Variants in CNIH3 observed in about 807,000 individuals in gnomAD.
The protein encoded by CNIH3 is protein cornichon homolog 3.
In CNIH3, 14 loss-of-function variants were observed where a neutral mutation model predicts 24.1. That is an observed-to-expected ratio of 0.58 (90% CI 0.38 to 0.91). The LOEUF (loss-of-function observed/expected upper bound fraction) is 0.91, where lower values mean the gene tolerates loss of function less well. CNIH3 is among the 40% of genes least tolerant of loss of function. The pLI is 0.00. For synonymous variants in CNIH3, 68 were observed against 73.8 expected (o/e 0.92, Z 0.40); for missense variants, 178 against 196.8 (o/e 0.90, Z 0.57).
At chr1:224,581,926 C>T (rs1681290589) in intron 4 of CNIH3, among the ~76,000 whole-genome samples, 1 of 152,134 alleles carries the variant, frequency 6.6e-6, no homozygotes, top group African/African-American at 2.4e-5. Flanking sequence ...AGCTGCACAT[C>T]CTGGATGCCT....
At chr1:224,499,884 C>T (rs1289896300) in intron 1 of CNIH3, among the ~76,000 whole-genome samples, 9 of 144,740 alleles carry the variant, frequency 6.2e-5, no homozygotes, top group African/African-American at 1.9e-4. Flanking sequence ...GGCAACATAG[C>T]GACATCCTAT....
chr1:224,519,692 C>T (rs1277219263), intron 1 of CNIH3, among the ~76,000 whole-genome samples: 1 of 149,752 alleles, frequency 6.7e-6, no homozygotes, highest in African/African-American at 2.4e-5. Context: ...TATATGTATA[C>T]TATATATGTA....
chr1:224,501,281 T>C (rs1031185833), intron 1 of CNIH3, among the ~76,000 whole-genome samples: 2 of 152,160 alleles, frequency 1.3e-5, no homozygotes, highest in African/African-American at 2.4e-5. Context: ...TAAATGGTCA[T>C]GGGCAATAAT....
chr1:224,646,447 C>T (rs768423266), intron 1 of CNIH3, among the ~76,000 whole-genome samples: 2 of 152,206 alleles, frequency 1.3e-5, no homozygotes, highest in African/African-American at 4.8e-5. Context: ...ACTCTGTCTT[C>T]CAGGCTGGAG....
intron 3 of CNIH3, among the ~76,000 whole-genome samples, chr1:224,695,977 G>A (rs188476713): frequency 1.8e-4 from 27 of 152,316 alleles, no homozygotes; most frequent in Admixed American, 1.4e-3. Context: ...CTCTGGGATC[G>A]TAGGATGTGT....
intron 3 of CNIH3, among the ~76,000 whole-genome samples, chr1:224,558,163 G>A (rs1051230412): frequency 2.6e-5 from 4 of 152,136 alleles, no homozygotes; most frequent in South Asian, 2.1e-4. Flanking sequence ...TGGGGTCAAC[G>A]ATATAAGATG....
chr1:224,683,309 G>A (rs1418814109), intron 2 of CNIH3, among the ~76,000 whole-genome samples: 1 of 152,164 alleles, frequency 6.6e-6, no homozygotes, highest in Non-Finnish European at 1.5e-5. Flanking sequence ...TCTTGTCTCA[G>A]ATTAAAAACA....
intron 1 of CNIH3, among the ~76,000 whole-genome samples, chr1:224,641,148 T>C (rs1449644688): frequency 6.6e-6 from 1 of 152,154 alleles, no homozygotes; most frequent in African/African-American, 2.4e-5. Context: ...CCAGGGGAGA[T>C]GCCTGGGCTA....
intron 1 of CNIH3, among the ~76,000 whole-genome samples, chr1:224,473,165 T>G (rs1558089779): frequency 6.6e-6 from 1 of 151,936 alleles, no homozygotes; most frequent in Non-Finnish European, 1.5e-5. Context: ...AACCTCAAAT[T>G]TAAAAACGTA....
At chr1:224,543,797 C>T (rs1368673161) in intron 2 of CNIH3, among the ~76,000 whole-genome samples, 2 of 152,170 alleles carry the variant, frequency 1.3e-5, no homozygotes, top group African/African-American at 4.8e-5. Flanking sequence ...ACCAAGCTGA[C>T]TCCATTTCAG....
intron 1 of CNIH3, among the ~76,000 whole-genome samples, chr1:224,509,274 A>C (rs921543571): frequency 9.9e-5 from 15 of 152,190 alleles, no homozygotes; most frequent in African/African-American, 3.6e-4. Context: ...CAGTGAGCTG[A>C]GATCATGCCA....
chr1:224,549,007 C>T (rs1385509370), intron 3 of CNIH3, among the ~76,000 whole-genome samples: 1 of 151,802 alleles, frequency 6.6e-6, no homozygotes, highest in Non-Finnish European at 1.5e-5. Flanking sequence ...GTGTGTACAC[C>T]CTGGGACATT....
At chr1:224,606,112 C>T (rs1052508326) in intron 3 of CNIH3, among the ~76,000 whole-genome samples, 3 of 152,008 alleles carry the variant, frequency 2.0e-5, no homozygotes, top group African/African-American at 7.3e-5. Flanking sequence ...TGTGTGGTCT[C>T]GCGGCAGTGT....
Position 224,734,556 on chromosome 1 carries a change from C to T in CNIH3, c.312-7C>T. The T allele has an allele frequency of 6.2e-7, 1 of 1,613,910 alleles. No homozygotes were observed. Among genetic ancestry groups the T allele is most frequent in the Non-Finnish European group, 8.5e-7 (1 of 1,179,860 alleles). ...CTCAGAGACAATGATGTCCTCTCTC[C>T]CTGCAGGTATTTCCACTGTCCAGCA... On this transcript the variant is annotated splice_region_variant and splice_polypyrimidine_tract_variant and intron_variant, in intron 4 of 5. Coordinates refer to ENST00000272133, the MANE Select transcript of CNIH3 (RefSeq NM_152495.2).
intron 1 of CNIH3, among the ~76,000 whole-genome samples, chr1:224,620,032 G>A (rs1180078383): frequency 6.6e-6 from 1 of 152,234 alleles, no homozygotes; most frequent in East Asian, 1.9e-4. Flanking sequence ...GAGCAAGGAT[G>A]GATGTGGCCA....
At chr1:224,534,382 A>G (rs1217984044) in intron 2 of CNIH3, among the ~76,000 whole-genome samples, 3 of 152,230 alleles carry the variant, frequency 2.0e-5, no homozygotes, top group Admixed American at 6.5e-5. Flanking sequence ...AAACTTGTTC[A>G]TCAAAATGCT....
At chr1:224,657,887 G>T (rs1359712194) in intron 1 of CNIH3, among the ~76,000 whole-genome samples, 3 of 152,178 alleles carry the variant, frequency 2.0e-5, no homozygotes, top group Non-Finnish European at 4.4e-5. Context: ...TGACAAGGAA[G>T]ATTGGTTATT....
intron 3 of CNIH3, among the ~76,000 whole-genome samples, chr1:224,695,877 C>T (rs1687153177): frequency 6.6e-6 from 1 of 152,188 alleles, no homozygotes; most frequent in South Asian, 2.1e-4. Flanking sequence ...GGGAGTTTTG[C>T]TATGAGAAGT....
chr1:224,578,810 G>A (rs183000366), intron 4 of CNIH3, among the ~76,000 whole-genome samples: 28 of 152,078 alleles, frequency 1.8e-4, no homozygotes, highest in African/African-American at 5.5e-4. Flanking sequence ...TCCCTTCTCC[G>A]TCTTTCTCCT....
Sources: gnomAD v4.1 joint callset for allele counts (sites outside exome capture counted in the v4.1 genomes callset) on GRCh38, gnomAD v4.1.1 for gene constraint, MANE v1.5 for transcripts, NCBI Gene and HGNC (gene_info 2026-07-23, HGNC 2026-07-21) for gene names.